Variants in RAB38 observed in about 807,000 individuals in gnomAD.
RAB38 encodes ras-related protein Rab-38.
A neutral mutation model predicts 18.4 loss-of-function variants in RAB38; 15 were observed. That is an observed-to-expected ratio of 0.82 (90% CI 0.55 to 1.26). The LOEUF (loss-of-function observed/expected upper bound fraction) is 1.26, where lower values mean the gene tolerates loss of function less well. Ranked by LOEUF, RAB38 falls within the 50% of genes most tolerant of loss-of-function variation. The pLI is 0.00. For synonymous variants in RAB38, 101 were observed against 104.4 expected, an observed-to-expected ratio of 0.97 and a Z score of 0.20; for missense variants, 294 against 267.4, an observed-to-expected ratio of 1.10 and a Z score of -0.69.
chr11:88,038,934 G>A, the RAB38 span, among the ~76,000 whole-genome samples: 1 of 152,148 alleles, frequency 6.6e-6, no homozygotes, highest in East Asian at 1.9e-4. Context: ...CCAACACTAT[G>A]CTATGCTTTG....
the RAB38 span, among the ~76,000 whole-genome samples, chr11:87,976,672 G>GAATATATAATTTTATATA: frequency 2.7e-5 from 2 of 73,036 alleles, no homozygotes; most frequent in South Asian, 3.3e-4. Context: ...AATTTTATAT[G>GAATATATAATTTTATATA]ATATATATTT....
chr11:88,173,226 G>T (rs1482646677), intron 1 of RAB38, among the ~76,000 whole-genome samples: 1 of 152,080 alleles, frequency 6.6e-6, no homozygotes, highest in Non-Finnish European at 1.5e-5. Flanking sequence ...TATCCTTCTT[G>T]CCTAGCATTT....
At chr11:88,005,566 C>T in the RAB38 span, among the ~76,000 whole-genome samples, 2 of 149,768 alleles carry the variant, frequency 1.3e-5, no homozygotes, top group Admixed American at 1.3e-4. Flanking sequence ...CTGTTCATTG[C>T]TGTCTTTGCT....
At chr11:88,076,402 G>T in the RAB38 span, among the ~76,000 whole-genome samples, 1 of 152,088 alleles carries the variant, frequency 6.6e-6, no homozygotes, top group African/African-American at 2.4e-5. Context: ...GTTATTCAGT[G>T]TAATACTAGG....
At chr11:87,901,811 C>T in the RAB38 span, among the ~76,000 whole-genome samples, 35 of 151,646 alleles carry the variant, frequency 2.3e-4, 1 homozygote, top group South Asian at 8.3e-4. Flanking sequence ...CAGGAAAGTC[C>T]TTCATTCAAC....
the RAB38 span, among the ~76,000 whole-genome samples, chr11:88,047,268 A>T: frequency 2.6e-5 from 4 of 152,132 alleles, no homozygotes; most frequent in East Asian, 7.7e-4. Context: ...ATTATTCCTG[A>T]TACCACACCT....
At chr11:87,874,668 A>C in the RAB38 span, among the ~76,000 whole-genome samples, 4 of 149,872 alleles carry the variant, frequency 2.7e-5, no homozygotes, top group Non-Finnish European at 5.9e-5. Flanking sequence ...ATATAAAATA[A>C]TAAAATAAAA....
chr11:88,116,674 TA>T lies in RAB38; in HGVS notation c.484-2535del, dbSNP rs1328453059. On this transcript the variant is annotated intron_variant, in intron 2 of 2. Transcript: ENST00000243662. ...TTAGTTCTTCAGTGTTAGACCCAGTTAGTGTTAAATAATGCTAGTTTATTTA... is the reference window on the plus strand; with the variant it reads ...TTAGTTCTTCAGTGTTAGACCCAGTTGTGTTAAATAATGCTAGTTTATTTA... 3.3e-5 allele frequency among the ~76,000 whole-genome samples: 5 copies of T among 152,338 alleles called. No individual in the cohort carries two copies. The East Asian group carries it at 9.6e-4, about 29-fold the overall frequency.
intron 2 of RAB38, among the ~76,000 whole-genome samples, 180 bp downstream of exon 2, chr11:88,149,495 T>C (rs910441338): frequency 6.6e-6 from 1 of 152,158 alleles, no homozygotes; most frequent in Non-Finnish European, 1.5e-5. Flanking sequence ...TCTTAAATTG[T>C]AGATAATAAT....
the RAB38 span, among the ~76,000 whole-genome samples, chr11:87,959,502 G>C: frequency 6.6e-6 from 1 of 152,110 alleles, no homozygotes; most frequent in Admixed American, 6.5e-5. Flanking sequence ...ATTCCTCTGT[G>C]CTGAGCATTG....
chr11:88,059,216 C>T, the RAB38 span, among the ~76,000 whole-genome samples: 89,888 of 152,124 alleles, frequency 0.59, 27,773 homozygotes, highest in Non-Finnish European at 0.68. Context: ...GGATGGGAAG[C>T]GGCAAGCATT....
the RAB38 span, among the ~76,000 whole-genome samples, chr11:88,007,219 G>C: frequency 6.6e-6 from 1 of 151,806 alleles, no homozygotes; most frequent in African/African-American, 2.4e-5. Flanking sequence ...AAATTTGGGA[G>C]AATGTCTACA....
chr11:87,971,768 C>A, the RAB38 span, among the ~76,000 whole-genome samples: 1 of 151,998 alleles, frequency 6.6e-6, no homozygotes, highest in Admixed American at 6.6e-5. Flanking sequence ...TTTTAAAGAA[C>A]CACCTTTGAT....
At chr11:88,004,723 C>A in the RAB38 span, among the ~76,000 whole-genome samples, 1 of 151,168 alleles carries the variant, frequency 6.6e-6, no homozygotes, top group East Asian at 1.9e-4. Flanking sequence ...CATGATTATT[C>A]ACATAAAAAT....
the RAB38 span, among the ~76,000 whole-genome samples, chr11:87,896,659 G>A: frequency 6.6e-6 from 1 of 151,594 alleles, no homozygotes. Context: ...TTTCCAGGCA[G>A]AGGAAAACAG....
the RAB38 span, among the ~76,000 whole-genome samples, chr11:87,820,065 A>G: frequency 6.6e-6 from 1 of 152,200 alleles, no homozygotes; most frequent in Admixed American, 6.5e-5. Context: ...ATTATTAATA[A>G]GCTCTCAGGG....
the RAB38 span, among the ~76,000 whole-genome samples, chr11:88,005,210 A>G: frequency 2.0e-5 from 3 of 151,410 alleles, no homozygotes; most frequent in Non-Finnish European, 4.4e-5. Context: ...ATAAACTCAG[A>G]GAATTCACAC....
At chr11:87,923,612 T>A in the RAB38 span, among the ~76,000 whole-genome samples, 19 of 151,566 alleles carry the variant, frequency 1.3e-4, no homozygotes, top group Admixed American at 1.3e-3. Context: ...GACAATCTAA[T>A]GCAGATACAT....
the RAB38 span, among the ~76,000 whole-genome samples, chr11:88,068,499 C>G: frequency 2.0e-5 from 3 of 152,218 alleles, no homozygotes; most frequent in African/African-American, 7.2e-5. Context: ...GGATTTCTGA[C>G]CCCTATGAGA....
Sources: gnomAD v4.1 joint callset for allele counts (sites outside exome capture counted in the v4.1 genomes callset) on GRCh38, gnomAD v4.1.1 for gene constraint, MANE v1.5 for transcripts, NCBI Gene and HGNC (gene_info 2026-07-23, HGNC 2026-07-21) for gene names.